Variants in CUX1 observed in about 807,000 individuals in gnomAD.
The protein encoded by CUX1 is cut like homeobox 1, also known as protein CASP.
In CUX1, 31 loss-of-function variants were observed where a neutral mutation model predicts 158.8. The ratio of observed to expected loss-of-function variants is 0.20; its 90% CI spans 0.15 to 0.26. The LOEUF (loss-of-function observed/expected upper bound fraction) is 0.26. Ranked by LOEUF, CUX1 falls within the 10% of genes least tolerant of loss-of-function variation. The pLI, the probability that CUX1 is intolerant of heterozygous loss-of-function variation, is 1.00. For missense variants in CUX1, 1,589 were observed against 2,014.6 expected, an observed-to-expected ratio of 0.79 and a Z score of 4.04; for synonymous variants, 879 against 862.1, an observed-to-expected ratio of 1.02 and a Z score of -0.34.
intron 20 of CUX1, among the ~76,000 whole-genome samples, chr7:102,222,526 C>T (rs781791656): frequency 2.0e-5 from 3 of 152,120 alleles, no homozygotes; most frequent in Non-Finnish European, 4.4e-5. Context: ...CACATGCAGA[C>T]GCCCTCAGCT....
At chr7:102,240,253 T>C (rs1466119707) in intron 23 of CUX1, among the ~76,000 whole-genome samples, 1 of 152,158 alleles carries the variant, frequency 6.6e-6, no homozygotes, top group Admixed American at 6.6e-5. Context: ...TATATATCTA[T>C]ATTTATAGTT....
intron 2 of CUX1, among the ~76,000 whole-genome samples, chr7:101,981,800 G>A (rs1813481744): frequency 2.6e-5 from 4 of 152,010 alleles, no homozygotes; most frequent in Non-Finnish European, 5.9e-5. Context: ...TAGAAGAAAC[G>A]GGGTTTCACC....
chr7:102,034,572 G>C (rs928180922), intron 3 of CUX1, among the ~76,000 whole-genome samples: 1 of 152,056 alleles, frequency 6.6e-6, no homozygotes, highest in Admixed American at 6.6e-5. Flanking sequence ...GGCCAACATG[G>C]TGAAACCCCA....
chr7:102,248,870 C>G lies in CUX1; in HGVS notation c.4346C>G (p.Ala1449Gly). Residue 1449 changes from alanine (A) to glycine (G), a missense_variant, in exon 24 of 24, where the codon GCC becomes GGC. By Grantham distance (60) the Ala-to-Gly change is moderately conservative. Transcript: ENST00000292535. This position sits in a 1 kb window ranked among gnomAD's most constrained non-coding sequence, Gnocchi z 5.8. ...CCCAGCAACAGCAGCAGCAGCAGCG[C>G]CCCCCGCAGGCCCAGCTCGCTGCAG... ...PPPSNSSSSS[A>G]PRRPSSLQSL... 7.6e-7 allele frequency: 1 copy of G among 1,312,030 alleles called. No individual in the cohort carries two copies. Among genetic ancestry groups the G allele is most frequent in the Non-Finnish European group, 9.8e-7 (1 of 1,023,758 alleles). 81.3% of individuals were successfully genotyped at this position (1,312,030 alleles called of 1,614,324 possible).
intron 3 of CUX1, among the ~76,000 whole-genome samples, chr7:102,041,256 CTTT>C (rs11427183): frequency 5.7e-5 from 4 of 69,916 alleles, no homozygotes; most frequent in Admixed American, 2.3e-4. Context: ...CTTATCCATT[CTTT>C]TTTTTTTTTT....
intron 1 of CUX1, among the ~76,000 whole-genome samples, chr7:101,828,864 G>A (rs988996405): frequency 6.6e-6 from 1 of 152,128 alleles, no homozygotes; most frequent in African/African-American, 2.4e-5. Flanking sequence ...GGTGGCTGAT[G>A]GGGGGTGGGC....
chr7:102,023,401 C>A (rs1287662320), intron 2 of CUX1, among the ~76,000 whole-genome samples: 2 of 152,146 alleles, frequency 1.3e-5, no homozygotes, highest in African/African-American at 2.4e-5. Flanking sequence ...GCAAAGAGTG[C>A]TGTGTTCTAG....
intron 8 of CUX1, among the ~76,000 whole-genome samples, chr7:102,150,168 T>G (rs1053524168): frequency 6.6e-6 from 1 of 152,206 alleles, no homozygotes; most frequent in Non-Finnish European, 1.5e-5. Flanking sequence ...TTGTTTTGTT[T>G]TGTTTGAGAC....
intron 2 of CUX1, among the ~76,000 whole-genome samples, chr7:101,959,238 A>AGTGTGTGTGTGTGTGT (rs55733311): frequency 1.4e-5 from 2 of 145,706 alleles, no homozygotes; most frequent in Admixed American, 1.4e-4. Context: ...ATGTGTGTGC[A>AGTGTGTGTGTGTGTGT]GTGTGTGTGT....
chr7:102,197,589 C>T (rs1231679058), intron 15 of CUX1, among the ~76,000 whole-genome samples: 2 of 152,174 alleles, frequency 1.3e-5, no homozygotes, highest in Non-Finnish European at 1.5e-5. Context: ...AATTGCATTA[C>T]ATGATGTATA....
chr7:101,834,380 C>T (rs1193413735), intron 1 of CUX1, among the ~76,000 whole-genome samples: 2 of 151,762 alleles, frequency 1.3e-5, no homozygotes, highest in Non-Finnish European at 2.9e-5. Flanking sequence ...CGCCATGTTG[C>T]CCAGGCTGGT....
intron 2 of CUX1, among the ~76,000 whole-genome samples, chr7:102,025,050 G>A (rs1035828356): frequency 3.9e-5 from 6 of 152,104 alleles, no homozygotes; most frequent in Admixed American, 2.0e-4. Flanking sequence ...CCAGCCTCTC[G>A]CGCTGCCGGC....
intron 2 of CUX1, among the ~76,000 whole-genome samples, chr7:101,975,297 G>C (rs979709032): frequency 6.6e-5 from 10 of 151,746 alleles, no homozygotes; most frequent in Non-Finnish European, 1.3e-4. Context: ...AAAGGCTCAC[G>C]CCTGTAATCT....
intron 2 of CUX1, among the ~76,000 whole-genome samples, chr7:102,004,378 G>A (rs566083509): frequency 2.6e-5 from 4 of 152,302 alleles, no homozygotes; most frequent in African/African-American, 9.6e-5. Flanking sequence ...CTGGGAGCAC[G>A]GGTCGGATGG....
rs55853593 is a variant in CUX1, at chr7:101,889,258, C to CAAAAAAA, written c.31-26844_31-26838dup. ...TGGGCAATGGAGCAAGACCCTGTCT[C>CAAAAAAA]AAAAAAAAAAAAAAAAAAAGTGCTG... is the stretch of plus-strand genomic sequence containing the variant. On this transcript the variant is annotated intron_variant, in intron 1 of 23. Coordinates refer to ENST00000292535, the MANE Select transcript of CUX1 (RefSeq NM_181552.4). 2.7e-5 allele frequency among the ~76,000 whole-genome samples: 3 copies of CAAAAAAA among 112,734 alleles called. No individual in the cohort carries two copies. In the Admixed American group the frequency reaches 2.7e-4, roughly 10 times the overall value. The allele number at this position is 112,734 out of a possible 152,430, so 74.0% of individuals were successfully genotyped here.
chr7:102,135,480 C>T (rs1441181061), intron 8 of CUX1, among the ~76,000 whole-genome samples: 2 of 151,798 alleles, frequency 1.3e-5, no homozygotes, highest in African/African-American at 2.4e-5. Context: ...GCCAGACACA[C>T]TCAGTGTAAT....
At chr7:101,895,909 T>TTG (rs1801442501) in intron 1 of CUX1, among the ~76,000 whole-genome samples, 1 of 42,996 alleles carries the variant, frequency 2.3e-5, no homozygotes, top group African/African-American at 1.2e-4. Context: ...TTTGTTTTTG[T>TTG]TTTTTTTTTT....
At chr7:101,958,482 T>C (rs1008269107) in intron 2 of CUX1, among the ~76,000 whole-genome samples, 1 of 136,546 alleles carries the variant, frequency 7.3e-6, no homozygotes, top group Admixed American at 7.1e-5. Flanking sequence ...TTCTTTTCTT[T>C]TTTTTTTTTT....
At chr7:102,075,758 G>A (rs1410154989) in intron 4 of CUX1, among the ~76,000 whole-genome samples, 1 of 152,194 alleles carries the variant, frequency 6.6e-6, no homozygotes, top group African/African-American at 2.4e-5. Flanking sequence ...AGTTGTAGCA[G>A]TTTAATAGCT....
Sources: gnomAD v4.1 joint callset for allele counts (sites outside exome capture counted in the v4.1 genomes callset) on GRCh38, gnomAD v4.1.1 for gene constraint, Gnocchi (gnomAD v3.1) non-coding constraint, MANE v1.5 for transcripts, NCBI Gene and HGNC (gene_info 2026-07-23, HGNC 2026-07-21) for gene names.